The following SCFD2 variants were observed in gnomAD, a reference collection of about 807,000 sequenced individuals.
SCFD2 encodes sec1 family domain-containing protein 2.
Under a neutral mutation model 58.9 loss-of-function variants are expected in SCFD2, and 54 were observed. The observed-to-expected ratio is 0.92, with a 90% CI of 0.74 to 1.15. The LOEUF (loss-of-function observed/expected upper bound fraction) is 1.15. Among genes scored for constraint, SCFD2 ranks in the 50% most tolerant of loss-of-function variants. The pLI, the probability that SCFD2 is intolerant of heterozygous loss-of-function variation, is 0.00. For missense variants in SCFD2, 805 were observed against 836.6 expected (o/e 0.96, Z 0.47); for synonymous variants, 321 against 335.9 (o/e 0.96, Z 0.49).
intron 4 of SCFD2, among the ~76,000 whole-genome samples, chr4:53,244,832 T>A (rs9999749): frequency 0.14 from 15,995 of 116,288 alleles, 1,404 homozygotes; most frequent in African/African-American, 0.32. Context: ...AAAAAAAAAA[T>A]AATAATAATA....
At chr4:53,303,860 C>A (rs1270354932) in intron 3 of SCFD2, among the ~76,000 whole-genome samples, 1 of 149,600 alleles carries the variant, frequency 6.7e-6, no homozygotes, top group Non-Finnish European at 1.5e-5. Context: ...GGACAAAAAA[C>A]CAAACACCGC....
At chr4:53,041,517 A>T (rs572199702) in intron 5 of SCFD2, among the ~76,000 whole-genome samples, 42 of 152,318 alleles carry the variant, frequency 2.8e-4, no homozygotes, top group Middle Eastern at 6.8e-3. Context: ...GAGATGTCCA[A>T]TGAGAGTAAC....
At chr4:53,144,803 T>C (rs1210757889) in intron 5 of SCFD2, among the ~76,000 whole-genome samples, 2 of 152,132 alleles carry the variant, frequency 1.3e-5, no homozygotes, top group Non-Finnish European at 2.9e-5. Context: ...AGAGAGGCCA[T>C]GTCACTACCA....
In SCFD2 at chr4:53,365,745, C is replaced by T; in HGVS notation, c.197G>A (p.Gly66Asp). The T allele has an allele frequency of 6.2e-7, 1 of 1,613,958 alleles. No individual in the cohort carries two copies. Among genetic ancestry groups the T allele is most frequent in the Non-Finnish European group, 8.5e-7 (1 of 1,179,918 alleles). Residue 66 changes from glycine (G) to aspartate (D), a missense_variant, in exon 1 of 9, where the codon GGT (glycine) becomes GAT (aspartate). By Grantham distance (94) the Gly-to-Asp change is moderately conservative. This residue lies in a region of SCFD2 where 155 missense variants were observed against 149.7 expected (regional missense o/e 1.04). Coordinates refer to ENST00000401642, the MANE Select transcript of SCFD2 (RefSeq NM_152540.4). The surrounding 1 kb of genome is among the most constrained non-coding windows in gnomAD (Gnocchi z 4.3). ...LREFEPDAIG[G>D]GAKQPKAVFV... ...CACTGCCTTGGGCTGCTTGGCTCCA[C>T]CACCAATTGCGTCGGGCTCGAACTC...
At chr4:53,106,323 G>A (rs1725000831) in intron 5 of SCFD2, among the ~76,000 whole-genome samples, 1 of 152,138 alleles carries the variant, frequency 6.6e-6, no homozygotes, top group African/African-American at 2.4e-5. Context: ...TCCTCCAAAC[G>A]GTCACAACTG....
intron 3 of SCFD2, among the ~76,000 whole-genome samples, chr4:53,302,905 G>A (rs1442293712): frequency 6.6e-6 from 1 of 152,064 alleles, no homozygotes; most frequent in Non-Finnish European, 1.5e-5. Context: ...CATATATAGA[G>A]AGCTGAAACT....
intron 5 of SCFD2, among the ~76,000 whole-genome samples, chr4:52,930,701 T>G (rs1206633253): frequency 6.6e-6 from 1 of 152,186 alleles, no homozygotes; most frequent in Non-Finnish European, 1.5e-5. Context: ...ATAAGGGAAG[T>G]GTGGAGAACT....
chr4:52,898,825 A>C (rs1473198815), intron 7 of SCFD2, among the ~76,000 whole-genome samples: 1 of 152,092 alleles, frequency 6.6e-6, no homozygotes, highest in African/African-American at 2.4e-5. Flanking sequence ...TGCTTTATGA[A>C]TCTGGGTGCT....
At chr4:52,923,486 A>AAATAAAT (rs1719791274) in intron 5 of SCFD2, among the ~76,000 whole-genome samples, 1 of 148,690 alleles carries the variant, frequency 6.7e-6, no homozygotes, top group African/African-American at 2.5e-5. Context: ...TCAAATAAAT[A>AAATAAAT]AATAAATAAA....
chr4:53,000,485 C>T (rs897634501), intron 5 of SCFD2, among the ~76,000 whole-genome samples: 2 of 152,146 alleles, frequency 1.3e-5, no homozygotes, highest in African/African-American at 4.8e-5. Context: ...ATCTGTGTGG[C>T]TCCATGAGGC....
intron 4 of SCFD2, among the ~76,000 whole-genome samples, chr4:53,251,299 G>C (rs948564163): frequency 1.3e-5 from 2 of 152,044 alleles, no homozygotes; most frequent in African/African-American, 4.8e-5. Context: ...AATTCTACCA[G>C]AGGTACAAGG....
chr4:53,071,622 C>A (rs1297262767), intron 5 of SCFD2, among the ~76,000 whole-genome samples: 1 of 151,808 alleles, frequency 6.6e-6, no homozygotes, highest in Non-Finnish European at 1.5e-5. Context: ...GTTATCTTGC[C>A]AAAAGTTAAT....
At chr4:52,981,241 T>G (rs1375206179) in intron 5 of SCFD2, among the ~76,000 whole-genome samples, 1 of 152,146 alleles carries the variant, frequency 6.6e-6, no homozygotes, top group Non-Finnish European at 1.5e-5. Flanking sequence ...CCAATGAACA[T>G]ACAAACTCAC....
chr4:52,938,081 T>C (rs1347285432), intron 5 of SCFD2, among the ~76,000 whole-genome samples: 1 of 152,214 alleles, frequency 6.6e-6, no homozygotes, highest in African/African-American at 2.4e-5. Context: ...TCTGCCTGCA[T>C]CACACTTCCT....
chr4:53,113,088 C>G (rs1418620348), intron 5 of SCFD2, among the ~76,000 whole-genome samples: 1 of 152,102 alleles, frequency 6.6e-6, no homozygotes, highest in Non-Finnish European at 1.5e-5. Flanking sequence ...ACATTTTGTG[C>G]TTCCATCTAC....
chr4:53,048,172 G>T (rs541810406), intron 5 of SCFD2, among the ~76,000 whole-genome samples: 1 of 152,150 alleles, frequency 6.6e-6, no homozygotes, highest in South Asian at 2.1e-4. Context: ...TCAACATGGC[G>T]AAATCCTGTC....
chr4:53,275,024 A>C (rs1731285047), intron 3 of SCFD2, among the ~76,000 whole-genome samples: 1 of 152,250 alleles, frequency 6.6e-6, no homozygotes, highest in South Asian at 2.1e-4. Flanking sequence ...GTATTTGGCA[A>C]TGAAACCACC....
chr4:53,108,261 G>A lies in SCFD2; in HGVS notation c.1561+37072C>T, dbSNP rs1469818373. Among the ~76,000 whole-genome samples the A allele has an allele frequency of 2.0e-5, 3 of 152,282 alleles. No individual in the cohort carries two copies. In the East Asian group the frequency reaches 5.8e-4, roughly 29 times the overall value. ...AATTTATAGCACTATATGCCCACAGGAGAAAGTAGGAAAGATGTAAAGTTG... is the reference window on the plus strand; with the variant it reads ...AATTTATAGCACTATATGCCCACAGAAGAAAGTAGGAAAGATGTAAAGTTG... On this transcript the variant is annotated intron_variant, in intron 5 of 8. Transcript: ENST00000401642.
chr4:52,922,073 A>C, intron 5 of SCFD2, among the ~76,000 whole-genome samples: 1 of 151,484 alleles, frequency 6.6e-6, no homozygotes. Context: ...TCACCTCCCT[A>C]CCTCCTGACT....
Sources: allele counts gnomAD v4.1 joint callset (sites outside exome capture counted in the v4.1 genomes callset), GRCh38; gene constraint gnomAD v4.1.1; regional missense constraint gnomAD v4.1.1; non-coding constraint Gnocchi (gnomAD v3.1); transcripts MANE v1.5; gene names NCBI Gene and HGNC (gene_info 2026-07-23, HGNC 2026-07-21).